RTN4RL1: variants seen among roughly 807,000 people sequenced by gnomAD.
The protein encoded by RTN4RL1 is reticulon-4 receptor-like 1.
A neutral mutation model predicts 25.6 loss-of-function variants in RTN4RL1; 7 were observed. That is an observed-to-expected ratio of 0.27 (90% CI 0.16 to 0.51). The LOEUF (loss-of-function observed/expected upper bound fraction) is 0.51. Among genes scored for constraint, RTN4RL1 ranks in the 20% least tolerant of loss-of-function variants. The pLI, the probability that RTN4RL1 is intolerant of heterozygous loss-of-function variation, is 0.97. For synonymous variants in RTN4RL1, 297 were observed against 288.2 expected, an observed-to-expected ratio of 1.03 and a Z score of -0.31; for missense variants, 500 against 615.6, an observed-to-expected ratio of 0.81 and a Z score of 1.99.
intron 1 of RTN4RL1, among the ~76,000 whole-genome samples, chr17:2,008,921 C>T (rs1490871183): frequency 1.3e-5 from 2 of 152,130 alleles, no homozygotes; most frequent in Admixed American, 1.3e-4. Flanking sequence ...TGGCTTCTCT[C>T]TCCTAGCAGG....
intron 1 of RTN4RL1, among the ~76,000 whole-genome samples, chr17:1,963,403 C>T (rs987680130): frequency 2.0e-5 from 3 of 152,212 alleles, no homozygotes; most frequent in Non-Finnish European, 2.9e-5. Flanking sequence ...CAATTGTGGG[C>T]GAGGTAGGAG....
At chr17:1,952,331 G>GTTTTTTTTTT (rs1213295319) in intron 1 of RTN4RL1, among the ~76,000 whole-genome samples, 2 of 99,830 alleles carry the variant, frequency 2.0e-5, no homozygotes, top group African/African-American at 3.3e-5. Flanking sequence ...AAGGGAGGTT[G>GTTTTTTTTTT]GTTTTTTTTT....
chr17:1,944,384 C>G lies in RTN4RL1; in HGVS notation c.14-6576G>C, dbSNP rs568915775. Among the ~76,000 whole-genome samples the G allele has an allele frequency of 2.0e-5, 3 of 152,300 alleles. No individual in the cohort carries two copies. In the South Asian group the frequency reaches 6.2e-4, roughly 32 times the overall value. On this transcript the variant is annotated intron_variant, in intron 1 of 1. Transcript: ENST00000331238. ...CCCAAACTGAGCTCTGCTCTTCCCC[C>G]ACAAGCCTCCTCCACTCGCATATAA...
In RTN4RL1 at chr17:1,937,038, G is replaced by C; in HGVS notation, c.784C>G (p.Arg262Gly). Residue 262 changes from arginine (R) to glycine (G), a missense_variant, in exon 2 of 2, where the codon CGC (arginine) becomes GGC (glycine). Coordinates refer to ENST00000331238, the MANE Select transcript of RTN4RL1 (RefSeq NM_178568.4). ...AGCCATTCCCACAGGGAGCGCGCGCGACAACCACAGTCCCAGGGGTTGCCG... is the reference window on the plus strand; with the variant it reads ...AGCCATTCCCACAGGGAGCGCGCGCCACAACCACAGTCCCAGGGGTTGCCG... The part of the protein sequence containing the change: ...LNGNPWDCGC[R>G]ARSLWEWLQR... 1 of 1,604,278 alleles carries C rather than the reference G, an allele frequency of 6.2e-7. No individual in the cohort carries two copies. Among genetic ancestry groups the C allele is most frequent in the Non-Finnish European group, 8.5e-7 (1 of 1,177,802 alleles).
At chr17:1,964,741 A>T (rs9675270) in intron 1 of RTN4RL1, among the ~76,000 whole-genome samples, 136,224 of 150,316 alleles carry the variant, frequency 0.91, 61,913 homozygotes, top group Middle Eastern at 0.95. Flanking sequence ...CTAAAAAAAA[A>T]TTTTTTTAAT....
intron 1 of RTN4RL1, among the ~76,000 whole-genome samples, chr17:1,969,425 A>G (rs536623632): frequency 5.5e-4 from 84 of 152,270 alleles, no homozygotes; most frequent in Admixed American, 1.2e-3. Flanking sequence ...TGCCCAGAAC[A>G]GCTAGGACTT....
intron 1 of RTN4RL1, among the ~76,000 whole-genome samples, chr17:1,949,053 T>G (rs1597490027): frequency 1.3e-5 from 2 of 151,492 alleles, no homozygotes; most frequent in South Asian, 2.1e-4. Context: ...GCCTCCCGGG[T>G]TCAAGGCATT....
intron 1 of RTN4RL1, among the ~76,000 whole-genome samples, chr17:1,961,808 C>T (rs1336655801): frequency 1.0e-5 from 1 of 95,944 alleles, no homozygotes. Context: ...ATTAGCAGGG[C>T]GTGGTGGCAT....
At chr17:1,961,677 C>T (rs2066762055) in intron 1 of RTN4RL1, among the ~76,000 whole-genome samples, 1 of 150,388 alleles carries the variant, frequency 6.6e-6, no homozygotes, top group Non-Finnish European at 1.5e-5. Context: ...CCTGTAATCC[C>T]AGCACTTTGG....
At position 2,025,167 on chromosome 17, in the gene RTN4RL1, T is replaced by C. The variant is rs1254469806; in HGVS notation, c.-302A>G. The C allele has an allele frequency of 5.2e-5, 14 of 270,468 alleles. No individual in the cohort carries two copies. The highest frequency in any genetic ancestry group is 9.0e-5 in the Non-Finnish European group (13 of 144,124). The allele number at this position is 270,468 out of a possible 1,614,324, so 16.8% of individuals were successfully genotyped here. A position where few individuals can be genotyped will look rare whatever the true frequency, so the allele number is the denominator to read the frequency against. ...GGCCTGCTTCTGCCACCCGGAGCAC[T>C]TCGCAGGCGGTTTTGAGGGGGGACG... On this transcript the variant is annotated 5_prime_UTR_variant, in exon 1 of 2. Coordinates refer to ENST00000331238, the MANE Select transcript of RTN4RL1 (RefSeq NM_178568.4). This position sits in a 1 kb window ranked among gnomAD's most constrained non-coding sequence, Gnocchi z 4.8.
chr17:1,964,794 T>TC (rs1373485358), intron 1 of RTN4RL1, among the ~76,000 whole-genome samples: 2 of 147,238 alleles, frequency 1.4e-5, no homozygotes, highest in African/African-American at 5.0e-5. Context: ...TTTTCTTTTT[T>TC]TTTTTTTTTT....
At chr17:1,983,852 C>A (rs551592840) in intron 1 of RTN4RL1, among the ~76,000 whole-genome samples, 1 of 152,220 alleles carries the variant, frequency 6.6e-6, no homozygotes, top group South Asian at 2.1e-4. Flanking sequence ...CTGAACCTAA[C>A]TCCGTACTCA....
intron 1 of RTN4RL1, among the ~76,000 whole-genome samples, chr17:1,957,265 G>A (rs1567509011): frequency 6.6e-6 from 1 of 152,128 alleles, no homozygotes; most frequent in Non-Finnish European, 1.5e-5. Flanking sequence ...TTCTACACTC[G>A]GAAAATCACC....
chr17:2,010,328 C>G (rs1276623529), intron 1 of RTN4RL1, among the ~76,000 whole-genome samples: 1 of 151,856 alleles, frequency 6.6e-6, no homozygotes, highest in Non-Finnish European at 1.5e-5. Flanking sequence ...AAATAAAAAA[C>G]TAGCCAGGCA....
intron 1 of RTN4RL1, among the ~76,000 whole-genome samples, chr17:1,966,145 A>C (rs774007322): frequency 6.6e-5 from 10 of 152,124 alleles, no homozygotes; most frequent in Non-Finnish European, 1.2e-4. Flanking sequence ...AGACAGATGG[A>C]ATTTTCCCCA....
At chr17:2,005,764 TC>T (rs1371426012) in intron 1 of RTN4RL1, among the ~76,000 whole-genome samples, 10 of 145,462 alleles carry the variant, frequency 6.9e-5, no homozygotes, top group African/African-American at 1.0e-4. Flanking sequence ...TCTCTCTCTC[TC>T]CTTCTCTTTC....
rs1354702253 is a variant in RTN4RL1, at chr17:1,937,489, C to G, written c.333G>C (p.Arg111=). Residue 111 remains arginine (R), a synonymous_variant, in exon 2 of 2, where the codon CGG becomes CGC. Transcript: ENST00000331238. ...TCTCGGGTGCCAGCGTCCGCAGCTGCCGGTTGTCGCCGAGGTCCAGCTCCT... is the reference window on the plus strand; with the variant it reads ...TCTCGGGTGCCAGCGTCCGCAGCTGGCGGTTGTCGCCGAGGTCCAGCTCCT... ...HLEELDLGDN[R]QLRTLAPETF... is the part of the protein sequence containing the mutation. 1 of 1,613,948 alleles carries G rather than the reference C, an allele frequency of 6.2e-7. No homozygotes were observed. The highest frequency in any genetic ancestry group is 1.1e-5 in the South Asian group (1 of 91,066).
chr17:1,956,264 C>A (rs1442270814), intron 1 of RTN4RL1, among the ~76,000 whole-genome samples: 1 of 152,190 alleles, frequency 6.6e-6, no homozygotes, highest in Non-Finnish European at 1.5e-5. Flanking sequence ...TCAAACACCA[C>A]GCCCAGATAC....
intron 1 of RTN4RL1, among the ~76,000 whole-genome samples, chr17:1,977,873 C>CGCATCCT (rs1312798478): frequency 2.0e-5 from 3 of 151,848 alleles, no homozygotes; most frequent in Non-Finnish European, 4.4e-5. Flanking sequence ...GGGTCGGGGG[C>CGCATCCT]GCATCCTGCA....
Sources: allele counts gnomAD v4.1 joint callset (sites outside exome capture counted in the v4.1 genomes callset), GRCh38; gene constraint gnomAD v4.1.1; non-coding constraint Gnocchi (gnomAD v3.1); transcripts MANE v1.5; gene names NCBI Gene and HGNC (gene_info 2026-07-23, HGNC 2026-07-21).